The following PRMT7 variants were observed in gnomAD, a reference collection of about 807,000 sequenced individuals.
PRMT7 encodes protein arginine methyltransferase 7.
In PRMT7, 75 loss-of-function variants were observed where a neutral mutation model predicts 85.4. The ratio of observed to expected loss-of-function variants is 0.88; its 90% CI spans 0.73 to 1.06. The LOEUF is 1.06. Among genes scored for constraint, PRMT7 ranks in the 50% least tolerant of loss-of-function variants. The pLI, the probability that PRMT7 is intolerant of heterozygous loss-of-function variation, is 0.00. For missense variants in PRMT7, 868 were observed against 915.2 expected (o/e 0.95, Z 0.67); for synonymous variants, 397 against 359.5 (o/e 1.10, Z -1.18).
chr16:68,353,436 C>A, intron 15 of PRMT7, 56 bp from the exon 16 acceptor site: 1 of 1,606,102 alleles, frequency 6.2e-7, no homozygotes, highest in South Asian at 1.1e-5. Flanking sequence ...TTCTTGCTGC[C>A]ACGCTTCCCT....
rs58594681 is a variant in PRMT7 at position 68,319,590 on chromosome 16, TAAAA to T, written c.96-1823_96-1820del. On this transcript the variant is annotated intron_variant, in intron 3 of 18. Coordinates refer to ENST00000441236, the MANE Select transcript of PRMT7 (RefSeq NM_019023.5). ...CAGATATAAAACCTTGATGTGCCATTAAAAAAAAAAAAAAAAGAACCCCCTTCTT... is the reference window on the plus strand; with the variant it reads ...CAGATATAAAACCTTGATGTGCCATTAAAAAAAAAAAAGAACCCCCTTCTT... Among the ~76,000 whole-genome samples the T allele has an allele frequency of 1.3e-3, 181 of 135,884 alleles. 1 individual carries two copies. Among genetic ancestry groups the T allele is most frequent in the Non-Finnish European group, 2.1e-3 (131 of 62,176 alleles). The allele number at this position is 135,884 out of a possible 152,430, so 89.1% of individuals were successfully genotyped here.
intron 9 of PRMT7, among the ~76,000 whole-genome samples, chr16:68,343,204 C>CAA (rs11419059): frequency 7.4e-5 from 11 of 147,928 alleles, no homozygotes; most frequent in Middle Eastern, 3.5e-3. Flanking sequence ...AACTCCGTCT[C>CAA]AAAAAAAAAA....
chr16:68,334,885 C>T (rs2084428498), intron 6 of PRMT7, among the ~76,000 whole-genome samples: 1 of 152,190 alleles, frequency 6.6e-6, no homozygotes, highest in South Asian at 2.1e-4. Context: ...CAACATCTGC[C>T]TCCCGGGTTC....
intron 6 of PRMT7, among the ~76,000 whole-genome samples, chr16:68,334,486 T>C (rs771933375): frequency 6.6e-6 from 1 of 152,232 alleles, no homozygotes; most frequent in Non-Finnish European, 1.5e-5. Context: ...CCTGTGTTGC[T>C]TTCTTTCTGC....
chr16:68,316,051 T>C lies in PRMT7; in HGVS notation c.72T>C (p.Tyr24=), dbSNP rs1779411887. The C allele has an allele frequency of 1.2e-6, 2 of 1,613,388 alleles. No homozygotes were observed. The highest frequency in any genetic ancestry group is 1.3e-5 in the African/African-American group (1 of 74,880). Residue 24 remains tyrosine (Y), a synonymous_variant, in exon 3 of 19, where the codon TAT becomes TAC. Transcript: ENST00000441236. ...SVEWLEEDEH[Y]DYHQEIARSS... ...AGTGGCTGGAGGAGGATGAACACTA[T>C]GATTACCACCAGGAGATTGCAAGGT... is the stretch of plus-strand genomic sequence containing the variant.
rs61733486 is a variant in PRMT7, at chr16:68,356,794, C to T, written c.1905C>T (p.Pro635=). ...CTGGCCTCCTGGAGCCTGCAGACCC[C>T]GAGGTAGTGCCTGCGCACCGGGCCC... ...LSTGLLEPAD[P]EGGCCWNPHC... is the part of the protein sequence containing the mutation. Residue 635 remains proline, a synonymous_variant, in exon 18 of 19, where the codon CCC becomes CCT. Transcript: ENST00000441236. The T allele has an allele frequency of 0.058, 92,434 of 1,605,786 alleles. 2,922 individuals carry two copies. Among genetic ancestry groups the T allele is most frequent in the Middle Eastern group, 0.11 (483 of 4,464 alleles).
In PRMT7 at chr16:68,347,358, C is replaced by T. The variant is rs935820340; in HGVS notation, c.1275+64C>T. On this transcript the variant is annotated intron_variant, in intron 12 of 18. Coordinates refer to ENST00000441236, the MANE Select transcript of PRMT7 (RefSeq NM_019023.5). ...TTGTGAGTTAGAGCATTGCGTGGTC[C>T]GGGTGCACAATTCTGTGATCAAGGC... is the stretch of plus-strand genomic sequence containing the variant. 7.4e-5 allele frequency: 107 copies of T among 1,440,896 alleles called. No individual in the cohort carries two copies. In the African/African-American group the frequency reaches 1.1e-3, roughly 15 times the overall value. 89.3% of individuals were successfully genotyped at this position (1,440,896 alleles called of 1,614,324 possible).
chr16:68,355,780 C>G lies in PRMT7; in HGVS notation c.1708C>G (p.Pro570Ala), dbSNP rs1212694854. 1.9e-6 allele frequency: 3 copies of G among 1,611,348 alleles called. No homozygotes were observed. Among genetic ancestry groups the G allele is most frequent in the Non-Finnish European group, 2.5e-6 (3 of 1,179,034 alleles). The change falls in exon 17 of 19, where the codon CCA becomes GCA. Residue 570 changes from proline to alanine, a missense_variant. Physicochemically the swap from Pro to Ala is conservative, Grantham distance 27. Transcript: ENST00000441236. Reference protein sequence around the residue: ...EAEPHPLWEYPCRSLSEPWQI... With the variant: ...EAEPHPLWEYACRSLSEPWQI... Reference sequence around the variant, plus strand: ...TGAGCCCCACCCGCTGTGGGAGTACCCATGCCGCAGCCTCTCCGAGCCCTG... The same window carrying G: ...TGAGCCCCACCCGCTGTGGGAGTACGCATGCCGCAGCCTCTCCGAGCCCTG...
intron 4 of PRMT7, chr16:68,322,348 C>G: frequency 2.3e-6 from 1 of 440,208 alleles, no homozygotes; most frequent in Non-Finnish European, 4.5e-6. Context: ...TACAGGCATG[C>G]CACCATGCCT....
chr16:68,311,235 C>G (rs1295881939), intron 1 of PRMT7, 136 bp downstream of exon 1: 1 of 482,916 alleles, frequency 2.1e-6, no homozygotes, highest in Admixed American at 3.5e-5. Context: ...TGGGGCAGCT[C>G]GGGACACCCG....
In PRMT7 at chr16:68,339,481, G is replaced by T. The variant is rs200868147; in HGVS notation, c.664G>T (p.Ala222Ser). The T allele has an allele frequency of 3.7e-6, 6 of 1,614,126 alleles. No homozygotes were observed. Among genetic ancestry groups the T allele is most frequent in the Non-Finnish European group, 5.1e-6 (6 of 1,180,026 alleles). Residue 222 changes from alanine to serine, a missense_variant, in exon 8 of 19, where the codon GCA becomes TCA. Physicochemically the swap from Ala to Ser is moderately conservative, Grantham distance 99 (BLOSUM62 1). Transcript: ENST00000441236. The stretch of plus-strand genomic sequence containing the variant: ...CGTTGACGTGGAGAGCTGCCCTGGC[G>T]CACCCTCTGTCTGTGACATTCAGCT... The part of the protein sequence containing the change: ...PPVDVESCPG[A>S]PSVCDIQLNQ...
At chr16:68,359,029 T>G (rs1430790627), downstream of PRMT7, 1 of 152,592 alleles carries the variant, frequency 6.6e-6, no homozygotes, top group East Asian at 1.9e-4. Context: ...AGAAAATGAC[T>G]TGCCTAAGGC....
chr16:68,311,027 G>T lies in PRMT7; in HGVS notation c.-291G>T. On this transcript the variant is annotated 5_prime_UTR_variant, in exon 1 of 19. Transcript: ENST00000441236. ...CCCCCAGCACGCTCCTCGACGCTGC[G>T]AGGTCCCGCCCCGCGTGCTGGCCGC... The T allele has an allele frequency of 9.1e-7, 1 of 1,095,028 alleles. No homozygotes were observed. The highest frequency in any genetic ancestry group is 1.3e-6 in the Non-Finnish European group (1 of 745,118). The allele number at this position is 1,095,028 out of a possible 1,614,324, so 67.8% of individuals were successfully genotyped here. A position where few individuals can be genotyped will look rare whatever the true frequency, so the allele number is the denominator to read the frequency against.
At position 68,357,164 on chromosome 16, in the gene PRMT7, G is replaced by A. The variant is rs199896772; in HGVS notation, c.2019G>A (p.Glu673=). 4.2e-5 allele frequency: 68 copies of A among 1,614,016 alleles called. No homozygotes were observed. Among genetic ancestry groups the A allele is most frequent in the Admixed American group, 2.2e-4 (13 of 60,026 alleles). ...GGPRTVSYAV[E]FHPDTGDIIM... ...CACGGACTGTCAGCTATGCAGTGGA[G>A]TTTCACCCCGACACAGGCGACATCA... is the stretch of plus-strand genomic sequence containing the variant. The change falls in exon 19 of 19, where the codon GAG becomes GAA. Residue 673 remains glutamate (E), a synonymous_variant. Transcript: ENST00000441236.
chr16:68,321,335 TTCTA>T (rs567363504), intron 3 of PRMT7, 87 bp from the exon 4 acceptor site: 286 of 967,052 alleles, frequency 3.0e-4, no homozygotes, highest in African/African-American at 2.9e-3. Flanking sequence ...GACACGTTTG[TTCTA>T]TCTGTTTAGC....
chr16:68,335,475 AT>A (rs749616073), intron 6 of PRMT7, among the ~76,000 whole-genome samples: 24 of 151,814 alleles, frequency 1.6e-4, no homozygotes, highest in Non-Finnish European at 2.5e-4. Context: ...ATCAGAGAGG[AT>A]GGGCAGGGCT....
At chr16:68,323,062 C>T (rs1031568497) in intron 4 of PRMT7, among the ~76,000 whole-genome samples, 3 of 151,950 alleles carry the variant, frequency 2.0e-5, no homozygotes, top group Non-Finnish European at 4.4e-5. Context: ...AAACACATAA[C>T]ATAAACGGTC....
chr16:68,353,053 G>A (rs981552462), intron 15 of PRMT7, among the ~76,000 whole-genome samples: 9 of 152,262 alleles, frequency 5.9e-5, no homozygotes, highest in Non-Finnish European at 1.0e-4. Context: ...CGATCCATGC[G>A]TGCGTGTGAC....
intron 8 of PRMT7, 48 bp from the exon 9 acceptor site, chr16:68,339,740 A>G: frequency 6.3e-7 from 1 of 1,590,994 alleles, no homozygotes; most frequent in South Asian, 1.1e-5. Context: ...TAAAAAATGG[A>G]GTGTGTGAGG....
Sources: gnomAD v4.1 joint callset for allele counts (sites outside exome capture counted in the v4.1 genomes callset) on GRCh38, gnomAD v4.1.1 for gene constraint, MANE v1.5 for transcripts, NCBI Gene and HGNC (gene_info 2026-07-23, HGNC 2026-07-21) for gene names.